ARHGAP17: variants seen among roughly 807,000 people sequenced by gnomAD.
ARHGAP17 encodes Rho GTPase activating protein 17, also known as rho GTPase-activating protein 17.
Under a neutral mutation model 99.5 loss-of-function variants are expected in ARHGAP17, and 57 were observed. That is an observed-to-expected ratio of 0.57 (90% CI 0.46 to 0.71). The LOEUF (loss-of-function observed/expected upper bound fraction) is 0.71. Among genes scored for constraint, ARHGAP17 ranks in the 30% least tolerant of loss-of-function variants. The pLI is 0.00. For synonymous variants in ARHGAP17, 417 were observed against 429.6 expected (o/e 0.97, Z 0.36); for missense variants, 1,000 against 1,122.4 (o/e 0.89, Z 1.56).
intron 16 of ARHGAP17, among the ~76,000 whole-genome samples, chr16:24,940,473 G>A (rs1018875486): frequency 3.3e-5 from 5 of 152,136 alleles, no homozygotes; most frequent in African/African-American, 4.8e-5. Context: ...TGGGAGGATC[G>A]CTTTAGCTTG....
chr16:24,980,675 A>C (rs1160622394), intron 1 of ARHGAP17, among the ~76,000 whole-genome samples: 1 of 152,210 alleles, frequency 6.6e-6, no homozygotes, highest in East Asian at 1.9e-4. Flanking sequence ...GAAACCTGAC[A>C]GTCAGCCTAG....
chr16:24,927,656 A>T (rs1567730384), intron 19 of ARHGAP17: 29 of 1,151,300 alleles, frequency 2.5e-5, no homozygotes, highest in Non-Finnish European at 3.2e-5. Context: ...GCAAAAATGC[A>T]TTGGCCAATC....
At chr16:24,989,178 T>G (rs2052961818) in intron 1 of ARHGAP17, among the ~76,000 whole-genome samples, 1 of 152,150 alleles carries the variant, frequency 6.6e-6, no homozygotes, top group Non-Finnish European at 1.5e-5. Context: ...ACACCTGGGC[T>G]CTGACTCAGT....
At chr16:24,950,836 C>CAAACAAAAAAAAAAAAAA in intron 12 of ARHGAP17, among the ~76,000 whole-genome samples, 1 of 39,432 alleles carries the variant, frequency 2.5e-5, no homozygotes, top group African/African-American at 1.0e-4. Context: ...GACTCCAACT[C>CAAACAAAAAAAAAAAAAA]AAAAAAAAAA....
intron 19 of ARHGAP17, among the ~76,000 whole-genome samples, chr16:24,926,922 G>T (rs1339584803): frequency 6.6e-6 from 1 of 152,184 alleles, no homozygotes; most frequent in Non-Finnish European, 1.5e-5. Context: ...TTAAAACCCT[G>T]ATATGTGAAT....
At chr16:25,005,721 TAAAG>T (rs2141508463) in intron 1 of ARHGAP17, among the ~76,000 whole-genome samples, 1 of 152,308 alleles carries the variant, frequency 6.6e-6, no homozygotes, top group South Asian at 2.1e-4. Context: ...AAAACTCATA[TAAAG>T]AAATACAAAT....
At chr16:24,934,844 G>A (rs1426341527) in intron 18 of ARHGAP17, among the ~76,000 whole-genome samples, 2 of 152,176 alleles carry the variant, frequency 1.3e-5, no homozygotes, top group Non-Finnish European at 2.9e-5. Context: ...GCCCTAAGGA[G>A]GGGATGAACT....
chr16:24,979,314 C>T (rs1292794161), intron 1 of ARHGAP17, among the ~76,000 whole-genome samples: 1 of 152,126 alleles, frequency 6.6e-6, no homozygotes, highest in Non-Finnish European at 1.5e-5. Flanking sequence ...ATGCCATTTC[C>T]CAGGTCCCTC....
At chr16:24,926,160 G>A (rs185320234) in intron 19 of ARHGAP17, among the ~76,000 whole-genome samples, 3 of 149,994 alleles carry the variant, frequency 2.0e-5, no homozygotes, top group Non-Finnish European at 3.0e-5. Context: ...AAGAGAAGAG[G>A]AGAAAAGAAA....
At chr16:24,930,651 G>A in intron 19 of ARHGAP17, 133 bp downstream of exon 19, 1 of 1,467,214 alleles carries the variant, frequency 6.8e-7, no homozygotes, top group Non-Finnish European at 9.5e-7. Context: ...AAAACTGGCT[G>A]CAGGACAGGT....
At chr16:24,974,626 G>T (rs949947475) in intron 3 of ARHGAP17, among the ~76,000 whole-genome samples, 2 of 151,870 alleles carry the variant, frequency 1.3e-5, no homozygotes, top group Non-Finnish European at 2.9e-5. Context: ...GGGTTGATTT[G>T]TGTTTCAGGA....
chr16:24,952,926 C>T lies in ARHGAP17; in HGVS notation c.964+5G>A. The T allele has an allele frequency of 6.2e-7, 1 of 1,613,834 alleles. No individual in the cohort carries two copies. On this transcript the variant is annotated splice_donor_5th_base_variant and intron_variant, in intron 11 of 19. Transcript: ENST00000289968. ...CTTGATTTGCAGACACTCTTTGGCG[C>T]TCACCTGCTACAGCATGGGGGTCTG...
In ARHGAP17 at chr16:24,949,094, G is replaced by A. The variant is rs998156013; in HGVS notation, c.1127+310C>T. 3 of 239,096 alleles carry A rather than the reference G, an allele frequency of 1.3e-5. No homozygotes were observed. The South Asian group carries it at 3.8e-4, about 30-fold the overall frequency. The allele number at this position is 239,096 out of a possible 1,614,324, so 14.8% of individuals were successfully genotyped here. ...AATTTTGCCTTTTAACATACTGGATGATTTGGACTCCAAACCCAACATACA... is the reference window on the plus strand; with the variant it reads ...AATTTTGCCTTTTAACATACTGGATAATTTGGACTCCAAACCCAACATACA... On this transcript the variant is annotated intron_variant, in intron 13 of 19. Coordinates refer to ENST00000289968, the MANE Select transcript of ARHGAP17 (RefSeq NM_001006634.3).
chr16:24,930,637 G>A (rs182671962), intron 19 of ARHGAP17, 147 bp downstream of exon 19: 1 of 1,371,900 alleles, frequency 7.3e-7, no homozygotes, highest in African/African-American at 1.4e-5. Context: ...AAACTTTAAT[G>A]ACAAAAACTG....
At chr16:24,987,938 A>G (rs2052924123) in intron 1 of ARHGAP17, among the ~76,000 whole-genome samples, 1 of 152,232 alleles carries the variant, frequency 6.6e-6, no homozygotes, top group Non-Finnish European at 1.5e-5. Flanking sequence ...GTAACAACAT[A>G]AACATTACTG....
intron 7 of ARHGAP17, 75 bp from the exon 8 acceptor site, chr16:24,960,054 T>A: frequency 7.1e-7 from 1 of 1,401,278 alleles, no homozygotes; most frequent in East Asian, 2.3e-5. Context: ...ACAATCTCTG[T>A]GAGCTCTTAG....
intron 1 of ARHGAP17, among the ~76,000 whole-genome samples, chr16:25,000,071 C>T (rs937597081): frequency 2.6e-4 from 39 of 152,186 alleles, no homozygotes; most frequent in African/African-American, 8.7e-4. Context: ...ACAGACACAG[C>T]GAGTAAACAG....
rs778299951 is a variant in ARHGAP17 at position 24,941,985 on chromosome 16, A to AC, written c.1490+1dup. The AC allele has an allele frequency of 6.2e-7, 1 of 1,613,888 alleles. No individual in the cohort carries two copies. Among genetic ancestry groups the AC allele is most frequent in the South Asian group, 1.1e-5 (1 of 91,064 alleles). ...GTTTGGAAGTGAACGGTCAAATCAT[A>AC]CCTTTCCTTCTTCACCAAGTCTCCT... On this transcript the variant is annotated splice_donor_variant, in intron 16 of 19. Transcript: ENST00000289968. LOFTEE classifies it high-confidence loss of function.
intron 1 of ARHGAP17, among the ~76,000 whole-genome samples, chr16:25,013,621 CAAA>C (rs779178782): frequency 8.3e-6 from 1 of 120,968 alleles, no homozygotes; most frequent in Non-Finnish European, 1.8e-5. Flanking sequence ...GACCCTGTCT[CAAA>C]AAAAAAAAAA....
Sources: gnomAD v4.1 joint callset for allele counts (sites outside exome capture counted in the v4.1 genomes callset) on GRCh38, gnomAD v4.1.1 for gene constraint, MANE v1.5 for transcripts, NCBI Gene and HGNC (gene_info 2026-07-23, HGNC 2026-07-21) for gene names.